The following HAUS8 variants were observed in gnomAD, a reference collection of about 807,000 sequenced individuals.
The protein encoded by HAUS8 is HAUS augmin like complex subunit 8.
A neutral mutation model predicts 42.9 loss-of-function variants in HAUS8; 38 were observed. The observed-to-expected ratio is 0.89, with a 90% confidence interval of 0.68 to 1.16. HAUS8 has a LOEUF of 1.16. HAUS8 is among the 50% of genes most tolerant of loss of function. The pLI is 0.00. For missense variants in HAUS8, 494 were observed against 511.6 expected, an observed-to-expected ratio of 0.97 and a Z score of 0.33; for synonymous variants, 199 against 205.8, an observed-to-expected ratio of 0.97 and a Z score of 0.28.
At chr19:17,055,138 AAAAAAATATATATATAT>A (rs1207720280) in intron 9 of HAUS8, 754 of 29,596 alleles carry the variant, frequency 0.025, 45 homozygotes, top group Non-Finnish European at 0.034. Flanking sequence ...AAAAAAAAAA[AAAAAAATATATATATAT>A]ATATATATAT....
In HAUS8 at chr19:17,075,395, C is replaced by A. The variant is rs745670091; in HGVS notation, c.28G>T (p.Gly10Trp). The change falls in exon 1 of 11, where the codon GGG becomes TGG. Residue 10 changes from glycine to tryptophan, a missense_variant and splice_region_variant. Gly to Trp is a radical substitution (Grantham distance 184). Transcript: ENST00000253669. ...AGACCTGCGGAAGCCCCAACTCACC[C>A]AGCGCCTCGCCCCGAGGAATCCGCC... MADSSGRGAGKPATGPTNSS... is the reference protein window; with the variant it reads MADSSGRGAWKPATGPTNSS... The A allele has an allele frequency of 9.9e-6, 16 of 1,613,900 alleles. No homozygotes were observed.
At chr19:17,052,506 A>C in intron 10 of HAUS8, 1 of 218,186 alleles carries the variant, frequency 4.6e-6, no homozygotes, top group Non-Finnish European at 9.1e-6. Context: ...TGAGCCCAGC[A>C]ATTTGAGGTT....
chr19:17,051,098 G>A (rs1408126033), intron 10 of HAUS8, among the ~76,000 whole-genome samples: 1 of 152,100 alleles, frequency 6.6e-6, no homozygotes, highest in Admixed American at 6.6e-5. Context: ...GCAGCGAGAG[G>A]TGGGGCCTTT....
At chr19:17,055,438 C>T (rs1318692156) in intron 9 of HAUS8, among the ~76,000 whole-genome samples, 1 of 150,438 alleles carries the variant, frequency 6.6e-6, no homozygotes, top group Non-Finnish European at 1.5e-5. Flanking sequence ...AGGTGCAACG[C>T]GGCAGTTTTT....
chr19:17,075,031 C>G (rs1248314683), intron 1 of HAUS8: 1 of 327,976 alleles, frequency 3.0e-6, no homozygotes, highest in African/African-American at 2.1e-5. Flanking sequence ...CCAAGAGCGA[C>G]ATCACAGTAA....
In HAUS8 at chr19:17,059,999, T is replaced by TTAA; in HGVS notation, c.320_322dup (p.Ile107dup). 6.2e-7 allele frequency: 1 copy of TTAA among 1,607,078 alleles called. No homozygotes were observed. The highest frequency in any genetic ancestry group is 2.2e-5 in the East Asian group (1 of 44,832). On this transcript the variant is annotated inframe_insertion, in exon 5 of 11. Coordinates refer to ENST00000253669, the MANE Select transcript of HAUS8 (RefSeq NM_033417.2). ...AAGGGGTGAAACAAATGATTTACCA[T>TTAA]TAATAGCAGAGAGATCCAGGTCAGG...
At chr19:17,055,738 C>T in intron 9 of HAUS8, 123 bp downstream of exon 9, 1 of 1,082,404 alleles carries the variant, frequency 9.2e-7, no homozygotes. Flanking sequence ...GCCAGCCCTC[C>T]CCATCCTCTG....
exon 1 of HAUS8, chr19:17,075,438 CTCAAGGCCCGACCCGCCGGCTTT>C: frequency 6.2e-7 from 1 of 1,613,572 alleles, no homozygotes. Flanking sequence ...CGCCTTCCAC[CTCAAGGCCCGACCCGCCGGCTTT>C]TCAAAGCCGG....
In HAUS8 at chr19:17,058,605, G is replaced by A. The variant is rs145244331; in HGVS notation, c.589C>T (p.Arg197Cys). The change falls in exon 8 of 11, where the codon CGC becomes TGC. Residue 197 changes from arginine (R) to cysteine (C), a missense_variant. Coordinates refer to ENST00000253669, the MANE Select transcript of HAUS8 (RefSeq NM_033417.2). ...TTCCTCTGAGAGAGGAGAAGCCTGC[G>A]CTTCAGCTCGTGGGCCTTTTTCTGT... ...KLQKKAHELKRRLLLSQRKRE... is the reference protein window; with the variant it reads ...KLQKKAHELKCRLLLSQRKRE... The A allele has an allele frequency of 4.8e-5, 77 of 1,613,472 alleles. No individual in the cohort carries two copies. The highest frequency in any genetic ancestry group is 4.7e-4 in the African/African-American group (35 of 74,966).
chr19:17,049,769 C>A lies in HAUS8; in HGVS notation c.*104G>T, dbSNP rs1264514445. ...TCATAGAAAATGGAGGCTTCAATTG[C>A]AAAACAGGTTTACTTTTTTATCAAA... On this transcript the variant is annotated 3_prime_UTR_variant, in exon 11 of 11. Transcript: ENST00000253669. The A allele has an allele frequency of 7.8e-6, 8 of 1,028,008 alleles. No homozygotes were observed. The highest frequency in any genetic ancestry group is 9.1e-6 in the Non-Finnish European group (7 of 765,104). 63.7% of individuals were successfully genotyped at this position (1,028,008 alleles called of 1,614,324 possible). A position where few individuals can be genotyped will look rare whatever the true frequency, so the allele number is the denominator to read the frequency against.
chr19:17,075,400 C>T lies in HAUS8; in HGVS notation c.23G>A (p.Gly8Asp), dbSNP rs774018820. MADSSGRGAGKPATGPTN... is the reference protein window; with the variant it reads MADSSGRDAGKPATGPTN... ...TGCGGAAGCCCCAACTCACCCAGCG[C>T]CTCGCCCCGAGGAATCCGCCATTTT... Residue 8 changes from glycine to aspartate, a missense_variant, in exon 1 of 11, where the codon GGC (glycine) becomes GAC (aspartate). Transcript: ENST00000253669. 10 of 1,613,970 alleles carry T rather than the reference C, an allele frequency of 6.2e-6. No homozygotes were observed. The highest frequency in any genetic ancestry group is 8.5e-6 in the Non-Finnish European group (10 of 1,179,922).
At chr19:17,069,806 A>G (rs949310767) in intron 2 of HAUS8, among the ~76,000 whole-genome samples, 7 of 151,788 alleles carry the variant, frequency 4.6e-5, no homozygotes, top group African/African-American at 1.7e-4. Flanking sequence ...CCTTGGTCTC[A>G]GCAGGTGACC....
At chr19:17,052,188 G>A (rs551446847) in intron 10 of HAUS8, 1 of 151,668 alleles carries the variant, frequency 6.6e-6, no homozygotes, top group African/African-American at 2.4e-5. Flanking sequence ...GGCTGGTCTT[G>A]AACTCTTGGC....
At chr19:17,051,967 ACT>A (rs1297179981) in intron 10 of HAUS8, 1 of 151,886 alleles carries the variant, frequency 6.6e-6, no homozygotes, top group Non-Finnish European at 1.5e-5. Context: ...AAGGTGAAAC[ACT>A]GTCTCTACTA....
chr19:17,052,765 C>T (rs200526104), intron 10 of HAUS8, 60 bp downstream of exon 10: 77 of 1,593,268 alleles, frequency 4.8e-5, no homozygotes, highest in Non-Finnish European at 5.2e-5. Context: ...AACAGTGCAG[C>T]CACCAACAGC....
chr19:17,074,158 C>G (rs991555959), intron 1 of HAUS8: 3 of 152,302 alleles, frequency 2.0e-5, no homozygotes, highest in Admixed American at 2.0e-4. Flanking sequence ...GGGTTTCAGC[C>G]TGAGCTGGTG....
In HAUS8 at chr19:17,055,167, T is replaced by A. The variant is rs866277005; in HGVS notation, c.787+694A>T. 32 of 45,410 alleles carry A rather than the reference T, an allele frequency of 7.0e-4. 4 individuals are homozygous for A. Among genetic ancestry groups the A allele is most frequent in the African/African-American group, 2.5e-3 (21 of 8,400 alleles). The allele number at this position is 45,410 out of a possible 1,614,324, so 2.8% of individuals were successfully genotyped here. Reference sequence around the variant, plus strand: ...AAATATATATATATATATATATATATATATATATATATATATATATATATA... The same window carrying A: ...AAATATATATATATATATATATATAAATATATATATATATATATATATATA... On this transcript the variant is annotated intron_variant, in intron 9 of 10. Transcript: ENST00000253669.
chr19:17,064,318 T>C (rs1267845971), intron 3 of HAUS8, among the ~76,000 whole-genome samples: 1 of 152,268 alleles, frequency 6.6e-6, no homozygotes, highest in Non-Finnish European at 1.5e-5. Flanking sequence ...GCATTTGCCC[T>C]GATTTATGGA....
intron 10 of HAUS8, chr19:17,052,270 T>G (rs1194869564): frequency 2.6e-5 from 4 of 152,056 alleles, no homozygotes; most frequent in Non-Finnish European, 4.4e-5. Context: ...GCCTGGCCCT[T>G]CCATGGATTT....
Sources: gnomAD v4.1 joint callset for allele counts (sites outside exome capture counted in the v4.1 genomes callset) on GRCh38, gnomAD v4.1.1 for gene constraint, MANE v1.5 for transcripts, NCBI Gene and HGNC (gene_info 2026-07-23, HGNC 2026-07-21) for gene names.